The following SLC9B2 variants were observed in gnomAD, a reference collection of about 807,000 sequenced individuals.
SLC9B2 encodes the protein sodium/hydrogen exchanger 9B2.
A neutral mutation model predicts 52.2 loss-of-function variants in SLC9B2; 39 were observed. The observed-to-expected ratio is 0.75, with a 90% confidence interval of 0.58 to 0.98. SLC9B2 has a LOEUF of 0.98. Ranked by LOEUF, SLC9B2 falls within the 50% of genes least tolerant of loss-of-function variation. The pLI is 0.00. For missense variants in SLC9B2, 626 were observed against 637.5 expected, an observed-to-expected ratio of 0.98 and a Z score of 0.19; for synonymous variants, 214 against 227.0, an observed-to-expected ratio of 0.94 and a Z score of 0.51.
At position 103,022,377 on chromosome 4, in the gene SLC9B2, T is replaced by A. The variant is rs1578430908; in HGVS notation, c.*3993A>T. On this transcript the variant is annotated 3_prime_UTR_variant, in exon 12 of 12. Transcript: ENST00000394785. The stretch of plus-strand genomic sequence containing the variant: ...TACATAGCATCATAAAAGCCAAATA[T>A]GAAATACTTATGTTGCCTTTCACCC... 6.6e-6 allele frequency among the ~76,000 whole-genome samples: 1 copy of A among 152,214 alleles called. No individual in the cohort carries two copies. The highest frequency in any genetic ancestry group is 2.4e-5 in the African/African-American group (1 of 41,456).
At chr4:103,027,897 T>G (rs1049248147) in intron 11 of SLC9B2, among the ~76,000 whole-genome samples, 3 of 152,096 alleles carry the variant, frequency 2.0e-5, no homozygotes, top group African/African-American at 7.2e-5. Context: ...CCCCAAAGCC[T>G]CCTAAATGAA....
rs567509474 is a variant in SLC9B2, at chr4:103,076,465, G to C, written c.-324C>G. On this transcript the variant is annotated 5_prime_UTR_variant, in exon 1 of 12. Coordinates refer to ENST00000394785, the MANE Select transcript of SLC9B2 (RefSeq NM_178833.7). Reference sequence around the variant, plus strand: ...CAGGCTCCGGAGTAAGCATGGGTTGGTCCGGGGCCCGCAGCGGCAGCCCCG... The same window carrying C: ...CAGGCTCCGGAGTAAGCATGGGTTGCTCCGGGGCCCGCAGCGGCAGCCCCG... 2.6e-5 allele frequency: 4 copies of C among 152,386 alleles called. No homozygotes were observed. Among genetic ancestry groups the C allele is most frequent in the Non-Finnish European group, 4.4e-5 (3 of 68,060 alleles). 9.4% of individuals were successfully genotyped at this position (152,386 alleles called of 1,614,324 possible).
chr4:103,046,198 A>T (rs951503030), intron 7 of SLC9B2, among the ~76,000 whole-genome samples: 4 of 152,182 alleles, frequency 2.6e-5, no homozygotes, highest in Middle Eastern at 3.2e-3. Context: ...TGCCAAGAAG[A>T]TGTGTTCCCA....
chr4:103,022,535 A>T lies in SLC9B2; in HGVS notation c.*3835T>A, dbSNP rs1741864833. Among the ~76,000 whole-genome samples the T allele has an allele frequency of 6.6e-6, 1 of 152,174 alleles. No individual in the cohort carries two copies. The highest frequency in any genetic ancestry group is 2.4e-5 in the African/African-American group (1 of 41,434). ...TTGTTTGTATTTTTCTGTGTTCTAAATTTTTTGCAATGAAAATGTGTTACT... is the reference window on the plus strand; with the variant it reads ...TTGTTTGTATTTTTCTGTGTTCTAATTTTTTTGCAATGAAAATGTGTTACT... On this transcript the variant is annotated 3_prime_UTR_variant, in exon 12 of 12. Transcript: ENST00000394785.
intron 9 of SLC9B2, among the ~76,000 whole-genome samples, chr4:103,040,475 T>C (rs893830944): frequency 6.6e-6 from 1 of 152,224 alleles, no homozygotes; most frequent in African/African-American, 2.4e-5. Flanking sequence ...TATCTTCTTG[T>C]GGGTTTTTCA....
chr4:103,051,037 T>C (rs1201227125), intron 4 of SLC9B2, among the ~76,000 whole-genome samples: 1 of 152,010 alleles, frequency 6.6e-6, no homozygotes, highest in East Asian at 1.9e-4. Flanking sequence ...ACAATACCAA[T>C]TTTATGAAGG....
intron 9 of SLC9B2, among the ~76,000 whole-genome samples, chr4:103,033,816 C>T (rs1322028761): frequency 6.6e-6 from 1 of 151,924 alleles, no homozygotes; most frequent in African/African-American, 2.4e-5. Flanking sequence ...AGAGATGACC[C>T]AAATGGAAAA....
chr4:103,051,890 A>T (rs1367396779), intron 4 of SLC9B2, among the ~76,000 whole-genome samples: 1 of 152,200 alleles, frequency 6.6e-6, no homozygotes, highest in African/African-American at 2.4e-5. Flanking sequence ...TATTTGCTTT[A>T]TTCTCTTTTA....
At chr4:103,049,661 T>C (rs773200312) in intron 5 of SLC9B2, among the ~76,000 whole-genome samples, 45 of 152,258 alleles carry the variant, frequency 3.0e-4, no homozygotes, top group Middle Eastern at 3.4e-3. Flanking sequence ...CAGAGAAAAG[T>C]GGGGCCTTTA....
At chr4:103,026,642 A>T (rs1032412371) in intron 11 of SLC9B2, 51 bp from the exon 12 acceptor site, 3 of 1,519,180 alleles carry the variant, frequency 2.0e-6, no homozygotes, top group Non-Finnish European at 8.9e-7. Context: ...AAGCACATAT[A>T]AAAAAAGTGA....
chr4:103,036,526 G>GA (rs576009276), intron 9 of SLC9B2, among the ~76,000 whole-genome samples: 94 of 141,220 alleles, frequency 6.7e-4, no homozygotes, highest in Non-Finnish European at 9.5e-4. Flanking sequence ...AAGCTGAAAA[G>GA]AAAAAAAAAA....
At chr4:103,049,145 T>C (rs1744437489) in intron 5 of SLC9B2, 125 bp from the exon 6 acceptor site, 2 of 1,153,984 alleles carry the variant, frequency 1.7e-6, no homozygotes, top group East Asian at 2.7e-5. Context: ...AGGTAATGAG[T>C]TGTATTTAAC....
intron 10 of SLC9B2, among the ~76,000 whole-genome samples, chr4:103,029,168 GA>G (rs1466813145): frequency 6.6e-6 from 1 of 152,096 alleles, no homozygotes; most frequent in Non-Finnish European, 1.5e-5. Context: ...TTTATAGCAA[GA>G]ACCATGCTTG....
chr4:103,028,628 T>A (rs1742425861), intron 11 of SLC9B2, 119 bp downstream of exon 11: 1 of 1,259,108 alleles, frequency 7.9e-7, no homozygotes, highest in African/African-American at 1.6e-5. Context: ...ATAAACTCTT[T>A]TCATAAATCC....
In SLC9B2 at chr4:103,048,879, G is replaced by C; in HGVS notation, c.713+14C>G. The C allele has an allele frequency of 6.2e-7, 1 of 1,611,952 alleles. No homozygotes were observed. Among genetic ancestry groups the C allele is most frequent in the South Asian group, 1.1e-5 (1 of 90,654 alleles). ...TCCCTACATATTTTCATATGACAAA[G>C]AAACAATCATTACCCCAGTATAAAT... On this transcript the variant is annotated intron_variant, in intron 6 of 11. Coordinates refer to ENST00000394785, the MANE Select transcript of SLC9B2 (RefSeq NM_178833.7).
intron 9 of SLC9B2, among the ~76,000 whole-genome samples, chr4:103,041,721 G>T (rs1161245931): frequency 6.6e-6 from 1 of 152,108 alleles, no homozygotes; most frequent in East Asian, 1.9e-4. Flanking sequence ...TACTCAAACA[G>T]ATGTCAAAAT....
intron 10 of SLC9B2, 50 bp downstream of exon 10, chr4:103,031,650 G>T: frequency 7.0e-7 from 1 of 1,429,362 alleles, no homozygotes; most frequent in Non-Finnish European, 9.8e-7. Context: ...TGGTGAGTAG[G>T]CTGACCAAAA....
chr4:103,044,758 C>A (rs1743958861), intron 8 of SLC9B2, 132 bp downstream of exon 8: 1 of 732,790 alleles, frequency 1.4e-6, no homozygotes, highest in East Asian at 2.5e-5. Flanking sequence ...TCATGGATAG[C>A]AGTAAGCAAT....
At chr4:103,070,414 G>A (rs1009747698) in intron 1 of SLC9B2, among the ~76,000 whole-genome samples, 2 of 152,164 alleles carry the variant, frequency 1.3e-5, no homozygotes, top group African/African-American at 4.8e-5. Context: ...GACTCATGCA[G>A]AGCCCATTAA....
Sources: gnomAD v4.1 joint callset for allele counts (sites outside exome capture counted in the v4.1 genomes callset) on GRCh38, gnomAD v4.1.1 for gene constraint, MANE v1.5 for transcripts, NCBI Gene and HGNC (gene_info 2026-07-23, HGNC 2026-07-21) for gene names.